Variants in CUX2 observed in about 807,000 individuals in gnomAD.
CUX2 encodes homeobox protein cut-like 2.
A neutral mutation model predicts 144.8 loss-of-function variants in CUX2; 40 were observed. That is an observed-to-expected ratio of 0.28 (90% CI 0.21 to 0.36). CUX2 has a LOEUF of 0.36. Among genes scored for constraint, CUX2 ranks in the 10% least tolerant of loss-of-function variants. CUX2 has a pLI of 1.00. For missense variants in CUX2, 1,615 were observed against 1,994.0 expected (o/e 0.81, Z 3.62); for synonymous variants, 827 against 875.6 (o/e 0.94, Z 0.98).
chr12:111,318,099 G>A (rs1400595269), intron 16 of CUX2, among the ~76,000 whole-genome samples: 1 of 151,742 alleles, frequency 6.6e-6, no homozygotes, highest in Non-Finnish European at 1.5e-5. Context: ...TTTGAGATAG[G>A]CTCTCACTCT....
Position 111,310,446 on chromosome 12 carries a change from C to T in CUX2, c.1664C>T (p.Thr555Met), listed in dbSNP as rs1409428904. 5 of 1,613,198 alleles carry T rather than the reference C, an allele frequency of 3.1e-6. No individual in the cohort carries two copies. The highest frequency in any genetic ancestry group is 2.2e-5 in the East Asian group (1 of 44,874). Residue 555 changes from threonine to methionine, a missense_variant, in exon 15 of 22, where the codon ACG becomes ATG. By Grantham distance (81) the Thr-to-Met change is moderately conservative. Coordinates refer to ENST00000261726, the MANE Select transcript of CUX2 (RefSeq NM_015267.4). This position sits in a 1 kb window ranked among gnomAD's most constrained non-coding sequence, Gnocchi z 7.9. The part of the protein sequence containing the change: ...GPGAEEEQLD[T>M]AEIAFQVKEQ... ...GGGGCAGAGGAGGAGCAGCTGGACA[C>T]GGCAGAGATCGCCTTCCAGGTGAAG... is the stretch of plus-strand genomic sequence containing the variant.
intron 18 of CUX2, among the ~76,000 whole-genome samples, chr12:111,329,364 C>T (rs1416606700): frequency 6.6e-6 from 1 of 151,876 alleles, no homozygotes; most frequent in Non-Finnish European, 1.5e-5. Flanking sequence ...ACATGTGACT[C>T]CCCCAGCCCT....
rs573848670 is a variant in CUX2, at chr12:111,066,284, A to G, written c.63+32044A>G. 2.6e-5 allele frequency among the ~76,000 whole-genome samples: 4 copies of G among 152,342 alleles called. 1 individual carries two copies. In the South Asian group the frequency reaches 8.3e-4, roughly 32 times the overall value. ...CCTATATATTTAAAGGGATGCTGGT[A>G]TACCTTATCCAGTATTTCTGGGTGT... On this transcript the variant is annotated intron_variant, in intron 1 of 21. Coordinates refer to ENST00000261726, the MANE Select transcript of CUX2 (RefSeq NM_015267.4).
chr12:111,070,656 G>C (rs1871223160), intron 1 of CUX2, among the ~76,000 whole-genome samples: 1 of 152,032 alleles, frequency 6.6e-6, no homozygotes, highest in Non-Finnish European at 1.5e-5. Context: ...TCTTGGTGTG[G>C]TATGTTCTAT....
At chr12:111,193,038 A>C (rs1353205651) in intron 1 of CUX2, among the ~76,000 whole-genome samples, 1 of 152,228 alleles carries the variant, frequency 6.6e-6, no homozygotes, top group African/African-American at 2.4e-5. Context: ...AAGTTTTGAG[A>C]GCCACTGTGT....
Position 111,291,447 on chromosome 12 carries a change from A to G in CUX2, c.331A>G (p.Ser111Gly). 6.2e-7 allele frequency: 1 copy of G among 1,612,028 alleles called. No individual in the cohort carries two copies. The highest frequency in any genetic ancestry group is 8.5e-7 in the Non-Finnish European group (1 of 1,179,018). The change falls in exon 5 of 22, where the codon AGC (serine) becomes GGC (glycine). Residue 111 changes from serine to glycine, a missense_variant. Physicochemically the swap from Ser to Gly is moderately conservative, Grantham distance 56. Around this residue, in one of 12 missense-constraint regions of CUX2, gnomAD observed 295 missense variants for 400.2 expected, o/e 0.74. Coordinates refer to ENST00000261726, the MANE Select transcript of CUX2 (RefSeq NM_015267.4). Reference protein sequence around the residue: ...DPVPVFEAARSLDDRLQPPSF... With the variant: ...DPVPVFEAARGLDDRLQPPSF... ...CGTGCCTGTGTTTGAGGCGGCACGC[A>G]GCCTAGACGACAGACTGCAGCCCCC...
At chr12:111,215,639 C>T (rs1244141955) in intron 2 of CUX2, among the ~76,000 whole-genome samples, 2 of 152,198 alleles carry the variant, frequency 1.3e-5, no homozygotes, top group East Asian at 3.8e-4. Context: ...ACCCTTCCTT[C>T]GCCTTTTAGA....
intron 1 of CUX2, among the ~76,000 whole-genome samples, chr12:111,140,002 G>A (rs1876195783): frequency 6.6e-6 from 1 of 152,192 alleles, no homozygotes; most frequent in Non-Finnish European, 1.5e-5. Flanking sequence ...AATGAGGGTG[G>A]TTAGGAGGAT....
intron 2 of CUX2, 136 bp downstream of exon 2, chr12:111,214,446 C>T: frequency 1.8e-6 from 1 of 570,144 alleles, no homozygotes; most frequent in Admixed American, 3.6e-5. Context: ...AAAATGACAG[C>T]CCCTAACCTT....
rs1425058225 is a variant in CUX2, at chr12:111,306,998, G to T, written c.936G>T (p.Arg312=). 3.1e-6 allele frequency: 5 copies of T among 1,613,768 alleles called. No homozygotes were observed. Among genetic ancestry groups the T allele is most frequent in the Non-Finnish European group, 4.2e-6 (5 of 1,179,982 alleles). ...CCTCCAAGGACAGGGAGATCCTGCGGCTGCTGAAGGACGTGCAGCACCTCC... is the reference window on the plus strand; with the variant it reads ...CCTCCAAGGACAGGGAGATCCTGCGTCTGCTGAAGGACGTGCAGCACCTCC... The part of the protein sequence containing the change: ...ALASKDREIL[R]LLKDVQHLQS... The change falls in exon 11 of 22, where the codon CGG becomes CGT. Residue 312 remains arginine, a synonymous_variant. Transcript: ENST00000261726.
In CUX2 at chr12:111,287,684, G is replaced by A. The variant is rs982066185; in HGVS notation, c.302-3734G>A. Among the ~76,000 whole-genome samples the A allele has an allele frequency of 6.6e-6, 1 of 152,248 alleles. No homozygotes were observed. Among genetic ancestry groups the A allele is most frequent in the African/African-American group, 2.4e-5 (1 of 41,458 alleles). ...AGGCCCTGCCTAATGACGGGGCGTG[G>A]GGGCTGCCGGCAGATGAAAGCCACC... On this transcript the variant is annotated intron_variant, in intron 4 of 21. Coordinates refer to ENST00000261726, the MANE Select transcript of CUX2 (RefSeq NM_015267.4). This position sits in a 1 kb window ranked among gnomAD's most constrained non-coding sequence, Gnocchi z 4.2.
rs367674372 is a variant in CUX2, at chr12:111,096,744, G to A, written c.63+62504G>A. The stretch of plus-strand genomic sequence containing the variant: ...TGTAATCCCAACACTTTGGGAGGCC[G>A]AGGCAGGTGGATCACTTGAGGTCAG... On this transcript the variant is annotated intron_variant, in intron 1 of 21. Coordinates refer to ENST00000261726, the MANE Select transcript of CUX2 (RefSeq NM_015267.4). 9.9e-5 allele frequency among the ~76,000 whole-genome samples: 15 copies of A among 152,248 alleles called. No homozygotes were observed. In the South Asian group the frequency reaches 1.7e-3, roughly 17 times the overall value.
chr12:111,267,156 C>T (rs1335445005), intron 4 of CUX2, among the ~76,000 whole-genome samples: 1 of 146,726 alleles, frequency 6.8e-6, no homozygotes, highest in Non-Finnish European at 1.5e-5. Flanking sequence ...TAAGATTGTG[C>T]CACTGCATTC....
At chr12:111,343,114 C>G (rs1438985396) in intron 21 of CUX2, among the ~76,000 whole-genome samples, 1 of 151,900 alleles carries the variant, frequency 6.6e-6, no homozygotes, top group Non-Finnish European at 1.5e-5. Flanking sequence ...CCTGAGGAAC[C>G]CTGACTATTC....
intron 3 of CUX2, among the ~76,000 whole-genome samples, chr12:111,242,367 A>T (rs1354641427): frequency 1.3e-5 from 2 of 152,264 alleles, no homozygotes; most frequent in Non-Finnish European, 2.9e-5. Flanking sequence ...ATTGGAACAC[A>T]GCCATGCACA....
rs1257727961 is a variant in CUX2 at position 111,320,443 on chromosome 12, T to A, written c.2434T>A (p.Ser812Thr). 1 of 1,595,902 alleles carries A rather than the reference T, an allele frequency of 6.3e-7. No homozygotes were observed. The highest frequency in any genetic ancestry group is 1.7e-5 in the Admixed American group (1 of 59,936). Reference sequence around the variant, plus strand: ...GTCGCCCTCGCTGTCCTCCTCCTCCTCCTCTGGCTACTCTGGCCAGCCCAA... The same window carrying A: ...GTCGCCCTCGCTGTCCTCCTCCTCCACCTCTGGCTACTCTGGCCAGCCCAA... ...SVSPSLSSSS[S>T]SGYSGQPNGR... The change falls in exon 17 of 22, where the codon TCC (serine) becomes ACC (threonine). Residue 812 changes from serine (S) to threonine (T), a missense_variant. Ser to Thr is a moderately conservative substitution (Grantham distance 58, BLOSUM62 1). Coordinates refer to ENST00000261726, the MANE Select transcript of CUX2 (RefSeq NM_015267.4). This position sits in a 1 kb window ranked among gnomAD's most constrained non-coding sequence, Gnocchi z 8.1.
intron 1 of CUX2, chr12:111,099,858 G>A (rs911955608): frequency 9.3e-5 from 40 of 427,832 alleles, no homozygotes; most frequent in Admixed American, 2.4e-4. Context: ...GCGAGGGACC[G>A]TCTGGCTCAA....
chr12:111,208,462 C>T (rs1881035363), intron 1 of CUX2, among the ~76,000 whole-genome samples: 1 of 152,146 alleles, frequency 6.6e-6, no homozygotes, highest in African/African-American at 2.4e-5. Flanking sequence ...TGGGGAAACC[C>T]AGACGAATTG....
At chr12:111,198,202 C>CG (rs1393287600) in intron 1 of CUX2, among the ~76,000 whole-genome samples, 2 of 152,078 alleles carry the variant, frequency 1.3e-5, no homozygotes, top group African/African-American at 4.8e-5. Context: ...AGGCCAGGTG[C>CG]GGGTGGCTCA....
Sources: allele counts gnomAD v4.1 joint callset (sites outside exome capture counted in the v4.1 genomes callset), GRCh38; gene constraint gnomAD v4.1.1; regional missense constraint gnomAD v4.1.1; non-coding constraint Gnocchi (gnomAD v3.1); transcripts MANE v1.5; gene names NCBI Gene and HGNC (gene_info 2026-07-23, HGNC 2026-07-21).